NUDC: variants seen among roughly 807,000 people sequenced by gnomAD.
The protein encoded by NUDC is nuclear distribution C, dynein complex regulator.
A neutral mutation model predicts 45.0 loss-of-function variants in NUDC; 14 were observed. The observed-to-expected ratio is 0.31, with a 90% CI of 0.21 to 0.49. The LOEUF (loss-of-function observed/expected upper bound fraction) is 0.49. Ranked by LOEUF, NUDC falls within the 20% of genes least tolerant of loss-of-function variation. NUDC has a pLI of 0.99. For missense variants in NUDC, 323 were observed against 426.2 expected, an observed-to-expected ratio of 0.76 and a Z score of 2.13; for synonymous variants, 153 against 156.7, an observed-to-expected ratio of 0.98 and a Z score of 0.17.
chr1:26,925,910 T>G (rs1407264561), intron 2 of NUDC, among the ~76,000 whole-genome samples: 1 of 151,270 alleles, frequency 6.6e-6, no homozygotes, highest in Non-Finnish European at 1.5e-5. Flanking sequence ...TTAGTAGAGA[T>G]GGGGTTTCAC....
At chr1:26,926,810 G>A (rs781490646) in intron 2 of NUDC, among the ~76,000 whole-genome samples, 1 of 152,026 alleles carries the variant, frequency 6.6e-6, no homozygotes, top group Non-Finnish European at 1.5e-5. Flanking sequence ...TGTTGGTTAG[G>A]CTGTTCTCAA....
chr1:26,941,689 C>G lies in NUDC; in HGVS notation c.363+29C>G, dbSNP rs201287968. 2.6e-5 allele frequency: 42 copies of G among 1,613,164 alleles called. No homozygotes were observed. In the African/African-American group the frequency reaches 5.2e-4, roughly 20 times the overall value. ...AAGGGTGGGCTTCCCTTCTCCACCCCTCAGATCCCCCCTGGCACTGAGCAG... is the reference window on the plus strand; with the variant it reads ...AAGGGTGGGCTTCCCTTCTCCACCCGTCAGATCCCCCCTGGCACTGAGCAG... On this transcript the variant is annotated intron_variant, in intron 3 of 8. Transcript: ENST00000321265.
intron 3 of NUDC, chr1:26,912,206 G>T (rs769028700): frequency 2.9e-5 from 33 of 1,148,418 alleles, no homozygotes; most frequent in Non-Finnish European, 3.9e-5. Context: ...CTCGGCCTTT[G>T]AGGTCCCACT....
chr1:26,900,697 G>C (rs1380407899), intron 1 of NUDC, among the ~76,000 whole-genome samples: 1 of 152,156 alleles, frequency 6.6e-6, no homozygotes, highest in African/African-American at 2.4e-5. Flanking sequence ...CAAATAAGAA[G>C]CCTGCGGGAG....
upstream of NUDC, among the ~76,000 whole-genome samples, chr1:26,919,486 A>C (rs1446053728): frequency 2.0e-5 from 3 of 152,204 alleles, no homozygotes; most frequent in African/African-American, 7.2e-5. Flanking sequence ...TTCCACACAT[A>C]AACTTGTTTC....
chr1:26,909,346 G>C (rs2082015854), intron 2 of NUDC, among the ~76,000 whole-genome samples: 2 of 152,058 alleles, frequency 1.3e-5, no homozygotes, highest in Non-Finnish European at 2.9e-5. Flanking sequence ...TTGAACTCCT[G>C]GGCTCAAGCG....
At chr1:26,917,333 G>T (rs916870110), upstream of NUDC, among the ~76,000 whole-genome samples, 2 of 141,774 alleles carry the variant, frequency 1.4e-5, no homozygotes, top group South Asian at 4.5e-4. Context: ...AGGCCGAGGC[G>T]GATGGATCAC....
intron 2 of NUDC, among the ~76,000 whole-genome samples, chr1:26,905,367 G>A (rs2081998871): frequency 6.6e-6 from 1 of 151,136 alleles, no homozygotes; most frequent in Admixed American, 6.6e-5. Flanking sequence ...CACCATGCTG[G>A]CCAGGCTGGT....
At chr1:26,926,395 C>T (rs1570726933) in intron 2 of NUDC, among the ~76,000 whole-genome samples, 2 of 152,128 alleles carry the variant, frequency 1.3e-5, no homozygotes, top group African/African-American at 4.8e-5. Context: ...GAGTTCCCAG[C>T]AATGCTCTGG....
chr1:26,914,506 G>A (rs1448510525), intron 3 of NUDC, among the ~76,000 whole-genome samples: 2 of 152,056 alleles, frequency 1.3e-5, no homozygotes, highest in Non-Finnish European at 2.9e-5. Context: ...AGGACCCTGG[G>A]GGCTGGGAGG....
chr1:26,939,460 T>C (rs924891200), intron 2 of NUDC, among the ~76,000 whole-genome samples: 1 of 151,970 alleles, frequency 6.6e-6, no homozygotes, highest in Non-Finnish European at 1.5e-5. Flanking sequence ...ACCTTGTCTC[T>C]ATAAAAAAAT....
At chr1:26,925,718 A>AT (rs35681038) in intron 2 of NUDC, among the ~76,000 whole-genome samples, 6,194 of 126,840 alleles carry the variant, frequency 0.049, 270 homozygotes, top group Middle Eastern at 0.076. Context: ...ATCATGAGGA[A>AT]TTTTTTTTTT....
chr1:26,941,395 A>T, intron 2 of NUDC, 62 bp from the exon 3 acceptor site: 45 of 1,560,180 alleles, frequency 2.9e-5, no homozygotes, highest in Non-Finnish European at 3.9e-5. Context: ...GTGGGGCTGG[A>T]CTCCAGGCTG....
At chr1:26,926,154 T>G (rs951035294) in intron 2 of NUDC, among the ~76,000 whole-genome samples, 9 of 152,166 alleles carry the variant, frequency 5.9e-5, no homozygotes, top group South Asian at 2.1e-4. Context: ...TAGCTGAGAT[T>G]ACAGGCGTGA....
intron 1 of NUDC, among the ~76,000 whole-genome samples, chr1:26,922,694 A>G (rs2082101394): frequency 6.6e-6 from 1 of 152,234 alleles, no homozygotes; most frequent in Non-Finnish European, 1.5e-5. Context: ...GGATTTGCCT[A>G]GATCATGCAA....
intron 8 of NUDC, 136 bp downstream of exon 8, chr1:26,945,822 C>T (rs1242834654): frequency 2.9e-5 from 23 of 805,606 alleles, no homozygotes; most frequent in Non-Finnish European, 4.4e-5. Context: ...GGCTTTATGG[C>T]TTTGGCTTGC....
chr1:26,943,266 A>C (rs79056567), intron 6 of NUDC, among the ~76,000 whole-genome samples: 6,335 of 152,140 alleles, frequency 0.042, 415 homozygotes, highest in African/African-American at 0.14. Flanking sequence ...GAAGTGCAGT[A>C]ACACCTTCTT....
chr1:26,940,930 TA>T (rs200997173), intron 2 of NUDC, among the ~76,000 whole-genome samples: 1 of 151,338 alleles, frequency 6.6e-6, no homozygotes, highest in African/African-American at 2.4e-5. Flanking sequence ...TTATTATTAT[TA>T]TTTTTTTTTG....
At chr1:26,946,083 T>G in intron 8 of NUDC, 47 bp from the exon 9 acceptor site, 1 of 1,584,214 alleles carries the variant, frequency 6.3e-7, no homozygotes, top group Non-Finnish European at 8.7e-7. Context: ...AAGGGACAGC[T>G]TTAGAAGAGA....
Sources: allele counts gnomAD v4.1 joint callset (sites outside exome capture counted in the v4.1 genomes callset), GRCh38; gene constraint gnomAD v4.1.1; transcripts MANE v1.5; gene names NCBI Gene and HGNC (gene_info 2026-07-23, HGNC 2026-07-21).